Variants in ASB3 observed in about 807,000 individuals in gnomAD.
The protein encoded by ASB3 is ankyrin repeat and SOCS box protein 3.
In ASB3, 41 loss-of-function variants were observed where a neutral mutation model predicts 54.5. The observed-to-expected ratio is 0.75, with a 90% CI of 0.59 to 0.98. The LOEUF is 0.98. ASB3 is among the 50% of genes least tolerant of loss of function. ASB3 has a pLI of 0.00. For synonymous variants in ASB3, 266 were observed against 221.2 expected (o/e 1.20, Z -1.80); for missense variants, 733 against 620.0 (o/e 1.18, Z -1.94).
chr2:53,740,161 T>C (rs563314524), intron 3 of ASB3, among the ~76,000 whole-genome samples: 1 of 152,344 alleles, frequency 6.6e-6, no homozygotes, highest in East Asian at 1.9e-4. Context: ...TTTTTAATGG[T>C]ATCTCTACTT....
chr2:53,751,909 T>C (rs973509918), intron 2 of ASB3, among the ~76,000 whole-genome samples: 28 of 152,200 alleles, frequency 1.8e-4, no homozygotes, highest in Admixed American at 1.3e-3. Flanking sequence ...AAAGGACATA[T>C]CACAGAAATA....
At chr2:53,772,705 T>G (rs1228404983) in intron 1 of ASB3, among the ~76,000 whole-genome samples, 1 of 126,412 alleles carries the variant, frequency 7.9e-6, no homozygotes, top group Non-Finnish European at 1.7e-5. Flanking sequence ...GTGTTTTGTG[T>G]TTTTGTTTTT....
At chr2:53,736,760 G>T (rs1245057751) in intron 3 of ASB3, among the ~76,000 whole-genome samples, 6 of 150,978 alleles carry the variant, frequency 4.0e-5, no homozygotes, top group African/African-American at 9.7e-5. Context: ...CCAGCACTTT[G>T]GGAGACCAAG....
At chr2:53,726,256 A>C (rs1317475541) in intron 5 of ASB3, among the ~76,000 whole-genome samples, 1 of 144,850 alleles carries the variant, frequency 6.9e-6, no homozygotes, top group Non-Finnish European at 1.5e-5. Flanking sequence ...ATTTAATCTA[A>C]ATTTTTTTTT....
intron 8 of ASB3, among the ~76,000 whole-genome samples, chr2:53,695,810 G>A (rs1173514064): frequency 6.6e-6 from 1 of 152,072 alleles, no homozygotes; most frequent in African/African-American, 2.4e-5. Flanking sequence ...CGCAGGCAGA[G>A]GAATACTTAG....
intron 5 of ASB3, among the ~76,000 whole-genome samples, chr2:53,726,261 T>A (rs951540889): frequency 2.0e-5 from 3 of 149,892 alleles, no homozygotes; most frequent in African/African-American, 7.4e-5. Context: ...ATCTAAATTT[T>A]TTTTTTTTTT....
intron 3 of ASB3, among the ~76,000 whole-genome samples, chr2:53,740,525 G>A (rs1671876861): frequency 6.6e-6 from 1 of 152,076 alleles, no homozygotes; most frequent in Non-Finnish European, 1.5e-5. Context: ...TCTTTAGTCT[G>A]AAATGTAGTA....
intron 3 of ASB3, among the ~76,000 whole-genome samples, chr2:53,734,678 C>G (rs887123196): frequency 6.6e-6 from 1 of 152,264 alleles, no homozygotes; most frequent in East Asian, 1.9e-4. Flanking sequence ...AATTCAATGG[C>G]CTTTTCTCAG....
chr2:53,726,252 T>C (rs1220703298), intron 5 of ASB3, among the ~76,000 whole-genome samples: 1 of 147,702 alleles, frequency 6.8e-6, no homozygotes, highest in South Asian at 2.1e-4. Context: ...ATCTATTTAA[T>C]CTAAATTTTT....
intron 1 of ASB3, among the ~76,000 whole-genome samples, chr2:53,766,981 C>A (rs1673505492): frequency 6.6e-6 from 1 of 152,100 alleles, no homozygotes; most frequent in South Asian, 2.1e-4. Flanking sequence ...AGCGAATTTC[C>A]TAAACAATAT....
At chr2:53,722,808 C>T (rs7558968) in intron 5 of ASB3, among the ~76,000 whole-genome samples, 25,139 of 152,114 alleles carry the variant, frequency 0.17, 2,149 homozygotes, top group South Asian at 0.23. Flanking sequence ...CTTACCACTC[C>T]TATTCAACAT....
In ASB3 at chr2:53,765,298, A is replaced by G. The variant is rs190287984; in HGVS notation, c.196+79T>C. ...GAAAGGGAAACAAATACTACTGTTA[A>G]TAAGTTATGTATTATACTTTTTTAT... On this transcript the variant is annotated intron_variant, in intron 2 of 9. Coordinates refer to ENST00000263634, the MANE Select transcript of ASB3 (RefSeq NM_016115.5). 6.4e-6 allele frequency: 10 copies of G among 1,561,162 alleles called. No homozygotes were observed. The Admixed American group carries it at 8.8e-5, about 14-fold the overall frequency.
At chr2:53,700,163 G>A (rs112496917) in intron 8 of ASB3, 108 bp downstream of exon 8, 29 of 1,501,738 alleles carry the variant, frequency 1.9e-5, no homozygotes, top group Non-Finnish European at 2.4e-5. Context: ...AGCCATCACA[G>A]TCAAAACACA....
At chr2:53,698,053 G>T (rs560740650) in intron 8 of ASB3, among the ~76,000 whole-genome samples, 1 of 152,312 alleles carries the variant, frequency 6.6e-6, no homozygotes, top group East Asian at 1.9e-4. Context: ...GCTCTAGAAA[G>T]GCTCTCTGCA....
At chr2:53,698,608 G>C (rs1289748037) in intron 8 of ASB3, among the ~76,000 whole-genome samples, 2 of 152,152 alleles carry the variant, frequency 1.3e-5, no homozygotes, top group Admixed American at 6.5e-5. Flanking sequence ...AAAGTCCTTA[G>C]GCATAGACAC....
intron 3 of ASB3, among the ~76,000 whole-genome samples, chr2:53,746,758 A>G (rs12620325): frequency 0.18 from 26,959 of 152,058 alleles, 2,700 homozygotes; most frequent in African/African-American, 0.27. Flanking sequence ...GAGATTACAA[A>G]TGTGAGCTAC....
intron 1 of ASB3, among the ~76,000 whole-genome samples, chr2:53,768,735 T>C (rs549030332): frequency 1.4e-4 from 22 of 152,268 alleles, no homozygotes; most frequent in Non-Finnish European, 2.5e-4. Context: ...TGTAAGTTCA[T>C]TGATTCACTT....
At chr2:53,732,614 AT>A (rs1352709699) in intron 3 of ASB3, among the ~76,000 whole-genome samples, 1 of 152,160 alleles carries the variant, frequency 6.6e-6, no homozygotes, top group Non-Finnish European at 1.5e-5. Flanking sequence ...AAAAATTTTC[AT>A]TTTTTTAACC....
chr2:53,751,027 T>C (rs1011933052), intron 2 of ASB3, 86 bp from the exon 3 acceptor site: 24 of 1,374,368 alleles, frequency 1.7e-5, no homozygotes, highest in South Asian at 2.1e-5. Flanking sequence ...AGGAATTTAA[T>C]GAACTATTAA....
Sources: gnomAD v4.1 joint callset for allele counts (sites outside exome capture counted in the v4.1 genomes callset) on GRCh38, gnomAD v4.1.1 for gene constraint, MANE v1.5 for transcripts, NCBI Gene and HGNC (gene_info 2026-07-23, HGNC 2026-07-21) for gene names.